The following RBFOX1 variants were observed in gnomAD, a reference collection of about 807,000 sequenced individuals.
RBFOX1 encodes the protein RNA binding fox-1 homolog 1.
Under a neutral mutation model 57.7 loss-of-function variants are expected in RBFOX1, and 8 were observed. The observed-to-expected ratio is 0.14, with a 90% confidence interval of 0.08 to 0.25. The LOEUF is 0.25. Ranked by LOEUF, RBFOX1 falls within the 10% of genes least tolerant of loss-of-function variation. The probability of loss-of-function intolerance (pLI) is 1.00; values close to 1 mark genes in which losing one functional copy is unlikely to be tolerated. For synonymous variants in RBFOX1, 326 were observed against 222.4 expected, an observed-to-expected ratio of 1.47 and a Z score of -4.15; for missense variants, 611 against 548.5, an observed-to-expected ratio of 1.11 and a Z score of -1.14.
chr16:6,517,014 G>T (rs1328598487), intron 2 of RBFOX1, among the ~76,000 whole-genome samples: 1 of 152,152 alleles, frequency 6.6e-6, no homozygotes, highest in Admixed American at 6.5e-5. Flanking sequence ...ATTCCTACTA[G>T]TGTAGACATC....
At chr16:7,193,242 C>A (rs1483275466) in intron 4 of RBFOX1, among the ~76,000 whole-genome samples, 2 of 152,138 alleles carry the variant, frequency 1.3e-5, no homozygotes, top group African/African-American at 4.8e-5. Flanking sequence ...CTGAAAAGAA[C>A]TCAACACATT....
chr16:5,757,549 G>C (rs2053444955), intron 3 of RBFOX1, among the ~76,000 whole-genome samples: 2 of 152,188 alleles, frequency 1.3e-5, no homozygotes, highest in African/African-American at 2.4e-5. Context: ...GCTTTTAATA[G>C]GCCAGCCTAG....
chr16:6,970,511 A>T (rs1012795160), intron 3 of RBFOX1, among the ~76,000 whole-genome samples: 8 of 152,146 alleles, frequency 5.3e-5, no homozygotes, highest in African/African-American at 1.9e-4. Context: ...CTAAGATCAG[A>T]GACATCAGTA....
intron 3 of RBFOX1, among the ~76,000 whole-genome samples, chr16:6,758,054 T>A (rs1936717612): frequency 6.6e-6 from 1 of 152,182 alleles, no homozygotes; most frequent in African/African-American, 2.4e-5. Flanking sequence ...CAAACTACTA[T>A]CTTCTTTATA....
intron 3 of RBFOX1, among the ~76,000 whole-genome samples, chr16:6,956,677 C>T (rs1026161842): frequency 1.3e-5 from 2 of 152,198 alleles, no homozygotes; most frequent in Non-Finnish European, 2.9e-5. Context: ...TTATCTATTG[C>T]ATCATATCAA....
intron 3 of RBFOX1, among the ~76,000 whole-genome samples, chr16:7,024,893 C>G (rs774990469): frequency 1.3e-5 from 2 of 152,118 alleles, no homozygotes; most frequent in Non-Finnish European, 2.9e-5. Context: ...CCTTAGAAGT[C>G]ACCTGCTGCA....
chr16:6,090,488 A>G lies in RBFOX1; in HGVS notation c.-127+70496A>G, dbSNP rs965638784. 6.6e-5 allele frequency among the ~76,000 whole-genome samples: 10 copies of G among 152,314 alleles called. No homozygotes were observed. In the East Asian group the frequency reaches 1.9e-3, roughly 29 times the overall value. On this transcript the variant is annotated intron_variant, in intron 1 of 15. Coordinates refer to ENST00000550418, the MANE Select transcript of RBFOX1 (RefSeq NM_018723.4). ...AGTTGAAACCAAGATATGAACCATG[A>G]TGCTTTTGGCTCCAAAGTCAGCAGG... is the stretch of plus-strand genomic sequence containing the variant.
chr16:6,493,212 G>C (rs1467648739), intron 2 of RBFOX1, among the ~76,000 whole-genome samples: 1 of 152,184 alleles, frequency 6.6e-6, no homozygotes, highest in African/African-American at 2.4e-5. Context: ...TTGAGCCTTA[G>C]AAAAGATAAA....
At chr16:6,024,519 C>T (rs1229852890) in intron 1 of RBFOX1, among the ~76,000 whole-genome samples, 2 of 152,110 alleles carry the variant, frequency 1.3e-5, no homozygotes, top group Non-Finnish European at 2.9e-5. Flanking sequence ...AACAGAGCCT[C>T]ACGTTGTATC....
intron 3 of RBFOX1, among the ~76,000 whole-genome samples, chr16:5,622,013 T>C (rs2048214673): frequency 6.6e-6 from 1 of 152,156 alleles, no homozygotes; most frequent in South Asian, 2.1e-4. Context: ...AAAGTAAACA[T>C]GGCTATGGGG....
chr16:5,900,165 A>G (rs1267317802), intron 4 of RBFOX1, among the ~76,000 whole-genome samples: 4 of 152,176 alleles, frequency 2.6e-5, no homozygotes, highest in East Asian at 3.9e-4. Context: ...TTATTGACTA[A>G]TATCTAAGCT....
chr16:5,362,041 G>A (rs890139237), intron 1 of RBFOX1, among the ~76,000 whole-genome samples: 4 of 152,194 alleles, frequency 2.6e-5, no homozygotes, highest in Admixed American at 1.3e-4. Flanking sequence ...CATAAGTTAT[G>A]TTTTTATTTA....
intron 3 of RBFOX1, among the ~76,000 whole-genome samples, chr16:5,805,991 A>G (rs994094396): frequency 1.3e-5 from 2 of 150,534 alleles, no homozygotes; most frequent in Admixed American, 6.6e-5. Context: ...CAGTGAGTCA[A>G]TAAATGGTAA....
chr16:7,353,274 C>G (rs547737828), intron 4 of RBFOX1, among the ~76,000 whole-genome samples: 15 of 152,098 alleles, frequency 9.9e-5, no homozygotes, highest in Non-Finnish European at 1.6e-4. Flanking sequence ...CATTGATGAC[C>G]CTAGCTAGAA....
chr16:7,671,548 T>C (rs768777551), intron 13 of RBFOX1: 1 of 1,605,816 alleles, frequency 6.2e-7, no homozygotes, highest in Non-Finnish European at 8.5e-7. Flanking sequence ...CATTTCTGTT[T>C]CCTTATAGAG....
At chr16:7,710,313 G>A in intron 15 of RBFOX1, 1 of 1,186,840 alleles carries the variant, frequency 8.4e-7, no homozygotes, top group South Asian at 2.5e-5. Flanking sequence ...AACCTCAAGT[G>A]CAGATTATTC....
chr16:7,170,790 G>A (rs1265358776), intron 4 of RBFOX1, among the ~76,000 whole-genome samples: 2 of 152,134 alleles, frequency 1.3e-5, no homozygotes, highest in Non-Finnish European at 2.9e-5. Flanking sequence ...AAAACATGTA[G>A]CTTATTAAGG....
At chr16:7,110,429 A>G (rs1038998186) in intron 4 of RBFOX1, among the ~76,000 whole-genome samples, 1 of 152,144 alleles carries the variant, frequency 6.6e-6, no homozygotes, top group East Asian at 1.9e-4. Flanking sequence ...TTTGCTTGCA[A>G]AACACAGCAA....
chr16:5,772,365 A>G (rs1428080660), intron 3 of RBFOX1, among the ~76,000 whole-genome samples: 5 of 151,978 alleles, frequency 3.3e-5, no homozygotes, highest in African/African-American at 1.2e-4. Flanking sequence ...ACACACCCAA[A>G]TTCCTGAGCT....
Sources: allele counts gnomAD v4.1 joint callset (sites outside exome capture counted in the v4.1 genomes callset), GRCh38; gene constraint gnomAD v4.1.1; transcripts MANE v1.5; gene names NCBI Gene and HGNC (gene_info 2026-07-23, HGNC 2026-07-21).